The following TBC1D4 variants were observed in gnomAD, a reference collection of about 807,000 sequenced individuals.
The protein encoded by TBC1D4 is TBC (Tre-2, BUB2, CDC16) domain-containing protein.
A neutral mutation model predicts 142.5 loss-of-function variants in TBC1D4; 121 were observed. The ratio of observed to expected loss-of-function variants is 0.85; its 90% CI spans 0.73 to 0.99. The LOEUF (loss-of-function observed/expected upper bound fraction) is 0.99, where lower values mean the gene tolerates loss of function less well. Ranked by LOEUF, TBC1D4 falls within the 50% of genes least tolerant of loss-of-function variation. TBC1D4 has a pLI of 0.00. For synonymous variants in TBC1D4, 630 were observed against 628.2 expected (o/e 1.00, Z -0.04); for missense variants, 1,475 against 1,606.6 (o/e 0.92, Z 1.40).
Position 75,362,075 on chromosome 13 carries a change from C to T in TBC1D4, c.1031G>A (p.Ser344Asn). The T allele has an allele frequency of 6.2e-7, 1 of 1,614,134 alleles. No homozygotes were observed. Among genetic ancestry groups the T allele is most frequent in the Non-Finnish European group, 8.5e-7 (1 of 1,180,040 alleles). Residue 344 changes from serine (S) to asparagine (N), a missense_variant, in exon 2 of 21, where the codon AGT (serine) becomes AAT (asparagine). Ser to Asn is a conservative substitution (Grantham distance 46). Coordinates refer to ENST00000377636, the MANE Select transcript of TBC1D4 (RefSeq NM_014832.5). The surrounding 1 kb of genome is among the most constrained non-coding windows in gnomAD (Gnocchi z 4.2). ...CTCCGAGTCCGAGGGCTGGACGTGA[C>T]TGGGTGCGCTCGCGTGTCTCCGTCG... ...QPRRRHASAP[S>N]HVQPSDSEKN...
intron 17 of TBC1D4, among the ~76,000 whole-genome samples, chr13:75,297,901 A>G (rs1012311214): frequency 6.6e-6 from 1 of 152,186 alleles, no homozygotes; most frequent in African/African-American, 2.4e-5. Context: ...AACTCACACC[A>G]GAAAACCTAA....
At chr13:75,337,944 T>C (rs77873876) in intron 7 of TBC1D4, among the ~76,000 whole-genome samples, 84 of 152,262 alleles carry the variant, frequency 5.5e-4, no homozygotes, top group African/African-American at 2.0e-3. Flanking sequence ...CTTCTGCACC[T>C]GCCTAATAGA....
Position 75,334,347 on chromosome 13 carries a change from T to C in TBC1D4, c.1731+2574A>G, listed in dbSNP as rs144606577. Among the ~76,000 whole-genome samples, 1,425 of 152,184 alleles carry C rather than the reference T, an allele frequency of 9.4e-3. 21 individuals carry two copies. Among genetic ancestry groups the C allele is most frequent in the South Asian group, 0.049 (237 of 4,816 alleles). ...TTCTGGGATCATACTTTTCCTGCAG[T>C]ACTGAAATTAGCCATGTTTCTCAGA... On this transcript the variant is annotated intron_variant, in intron 8 of 20. Coordinates refer to ENST00000377636, the MANE Select transcript of TBC1D4 (RefSeq NM_014832.5).
chr13:75,363,705 G>A (rs11618837), intron 1 of TBC1D4, among the ~76,000 whole-genome samples: 71,346 of 152,070 alleles, frequency 0.47, 17,734 homozygotes, highest in South Asian at 0.72. Context: ...TCCTGGGGCT[G>A]TGTCACAGGT....
chr13:75,420,351 A>C (rs1273990391), intron 1 of TBC1D4, among the ~76,000 whole-genome samples: 9 of 152,226 alleles, frequency 5.9e-5, no homozygotes, highest in Non-Finnish European at 1.3e-4. Context: ...CCACAAAAAT[A>C]GTTACAAAAA....
At chr13:75,378,654 T>C (rs1386670506) in intron 1 of TBC1D4, among the ~76,000 whole-genome samples, 1 of 150,928 alleles carries the variant, frequency 6.6e-6, no homozygotes, top group East Asian at 2.0e-4. Context: ...CATTCAATAA[T>C]TCTTATTCTC....
chr13:75,464,653 C>T (rs1888098359), intron 1 of TBC1D4, among the ~76,000 whole-genome samples: 1 of 152,174 alleles, frequency 6.6e-6, no homozygotes, highest in Admixed American at 6.5e-5. Context: ...GGGTTAGGGT[C>T]TTCACAACCG....
chr13:75,447,700 T>C (rs1054755691), intron 1 of TBC1D4, among the ~76,000 whole-genome samples: 1 of 152,126 alleles, frequency 6.6e-6, no homozygotes, highest in African/African-American at 2.4e-5. Flanking sequence ...CCTTTATCTG[T>C]ATGTACAGCC....
At chr13:75,393,238 G>A (rs1884591260) in intron 1 of TBC1D4, among the ~76,000 whole-genome samples, 1 of 151,518 alleles carries the variant, frequency 6.6e-6, no homozygotes, top group African/African-American at 2.4e-5. Context: ...ACAAGAGGTA[G>A]ATAGTCATCT....
At chr13:75,380,330 G>A (rs762413233) in intron 1 of TBC1D4, among the ~76,000 whole-genome samples, 1 of 151,764 alleles carries the variant, frequency 6.6e-6, no homozygotes, top group South Asian at 2.1e-4. Flanking sequence ...AAAATTAGCC[G>A]GACATGGTGG....
rs375191508 is a variant in TBC1D4, at chr13:75,481,696, A to G, written c.72T>C (p.Ala24=). 147 of 1,597,898 alleles carry G rather than the reference A, an allele frequency of 9.2e-5. No homozygotes were observed. Among genetic ancestry groups the G allele is most frequent in the Non-Finnish European group, 1.2e-4 (141 of 1,174,202 alleles). The change falls in exon 1 of 21, where the codon GCT becomes GCC. Residue 24 remains alanine, a synonymous_variant. Transcript: ENST00000377636. ...CGCTTGGCTTCCCGGGGCCGGGCTG[A>G]GCTGAGACGCCCGGCTCGGGCTCCA... is the stretch of plus-strand genomic sequence containing the variant. ...HPLEPEPGVS[A]QPGPGKPSDK... is the part of the protein sequence containing the mutation.
At chr13:75,419,810 A>C (rs1185056776) in intron 1 of TBC1D4, among the ~76,000 whole-genome samples, 2 of 152,226 alleles carry the variant, frequency 1.3e-5, no homozygotes, top group South Asian at 4.1e-4. Flanking sequence ...GAATATAAAA[A>C]TAGATTATAT....
intron 12 of TBC1D4, among the ~76,000 whole-genome samples, chr13:75,319,661 T>G (rs937852117): frequency 2.6e-5 from 4 of 152,224 alleles, no homozygotes; most frequent in Non-Finnish European, 5.9e-5. Flanking sequence ...TTCTTGGCAT[T>G]TGGAATAAAC....
Position 75,453,340 on chromosome 13 carries a change from A to T in TBC1D4, c.498+27930T>A, listed in dbSNP as rs980313388. 5.1e-4 allele frequency among the ~76,000 whole-genome samples: 78 copies of T among 152,206 alleles called. 1 individual carries two copies. Among genetic ancestry groups the T allele is most frequent in the South Asian group, 4.1e-4 (2 of 4,824 alleles). On this transcript the variant is annotated intron_variant, in intron 1 of 20. Coordinates refer to ENST00000377636, the MANE Select transcript of TBC1D4 (RefSeq NM_014832.5). ...ATCGAACAAGCAATATATTTCATAT[A>T]TCATAGCCTTTATTTTTAATACAAT... is the stretch of plus-strand genomic sequence containing the variant.
chr13:75,305,918 A>G (rs1475660958), intron 15 of TBC1D4, among the ~76,000 whole-genome samples: 1 of 152,216 alleles, frequency 6.6e-6, no homozygotes, highest in African/African-American at 2.4e-5. Flanking sequence ...TAGCCAGAAT[A>G]TAAATCTATA....
At chr13:75,318,444 C>T (rs980289731) in intron 12 of TBC1D4, among the ~76,000 whole-genome samples, 12 of 152,138 alleles carry the variant, frequency 7.9e-5, no homozygotes, top group African/African-American at 2.4e-4. Context: ...AAGATAGATA[C>T]CAAAACTTCA....
At chr13:75,385,008 C>T (rs1237599598) in intron 1 of TBC1D4, among the ~76,000 whole-genome samples, 1 of 152,150 alleles carries the variant, frequency 6.6e-6, no homozygotes, top group Non-Finnish European at 1.5e-5. Context: ...TAAGGCACAT[C>T]AGCAGATAAT....
At position 75,310,089 on chromosome 13, in the gene TBC1D4, G is replaced by A; in HGVS notation, c.2446C>T (p.Pro816Ser). The A allele has an allele frequency of 1.2e-6, 2 of 1,614,036 alleles. No individual in the cohort carries two copies. Among genetic ancestry groups the A allele is most frequent in the Non-Finnish European group, 1.7e-6 (2 of 1,179,988 alleles). Residue 816 changes from proline (P) to serine (S), a missense_variant, in exon 14 of 21, where the codon CCG becomes TCG. Coordinates refer to ENST00000377636, the MANE Select transcript of TBC1D4 (RefSeq NM_014832.5). ...SPLSPTMEEEPLVVFLSGEDD... is the reference protein window; with the variant it reads ...SPLSPTMEEESLVVFLSGEDD... ...TCCCCAGACAGGAATACAACCAGCG[G>A]TTCCTCCTCCATGGTTGGAGAGAGG...
At chr13:75,413,825 A>G (rs1264962187) in intron 1 of TBC1D4, among the ~76,000 whole-genome samples, 1 of 152,074 alleles carries the variant, frequency 6.6e-6, no homozygotes, top group Non-Finnish European at 1.5e-5. Flanking sequence ...AGGTGTTTGC[A>G]TTTCTGGAGC....
Sources: gnomAD v4.1 joint callset for allele counts (sites outside exome capture counted in the v4.1 genomes callset) on GRCh38, gnomAD v4.1.1 for gene constraint, Gnocchi (gnomAD v3.1) non-coding constraint, MANE v1.5 for transcripts, NCBI Gene and HGNC (gene_info 2026-07-23, HGNC 2026-07-21) for gene names.